PDE10A: variants seen among roughly 807,000 people sequenced by gnomAD.
The protein encoded by PDE10A is phosphodiesterase 10A.
A neutral mutation model predicts 97.7 loss-of-function variants in PDE10A; 39 were observed. That is an observed-to-expected ratio of 0.40 (90% confidence interval 0.31 to 0.52). The LOEUF is 0.52. Among genes scored for constraint, PDE10A ranks in the 20% least tolerant of loss-of-function variants. The pLI is 0.56. For missense variants in PDE10A, 731 were observed against 1,047.8 expected, an observed-to-expected ratio of 0.70 and a Z score of 4.17; for synonymous variants, 371 against 376.8, an observed-to-expected ratio of 0.98 and a Z score of 0.18.
chr6:165,383,147 T>C, intron 17 of PDE10A, among the ~76,000 whole-genome samples: 1 of 152,234 alleles, frequency 6.6e-6, no homozygotes, highest in Middle Eastern at 3.4e-3. Context: ...CAACAGATAA[T>C]TTAAGATTAG....
chr6:165,357,161 T>C (rs1783080230), intron 18 of PDE10A, among the ~76,000 whole-genome samples: 1 of 152,220 alleles, frequency 6.6e-6, no homozygotes, highest in African/African-American at 2.4e-5. Flanking sequence ...CTCTTCTTCA[T>C]TCTGTTGTGG....
rs1035488549 is a variant in PDE10A at position 165,328,951 on chromosome 6, C to T, written c.*4074G>A. On this transcript the variant is annotated 3_prime_UTR_variant, in exon 22 of 22. Transcript: ENST00000539869. The stretch of plus-strand genomic sequence containing the variant: ...CACATGTAAAAATCTCATGGCCATG[C>T]GCTGAAAGCATGGGGAAACTATAAC... 3 of 152,208 alleles carry T rather than the reference C, an allele frequency of 2.0e-5. No homozygotes were observed. The highest frequency in any genetic ancestry group is 2.1e-4 in the South Asian group (1 of 4,816). The allele number at this position is 152,208 out of a possible 1,614,324, so 9.4% of individuals were successfully genotyped here.
intron 1 of PDE10A, among the ~76,000 whole-genome samples, chr6:165,657,475 G>A (rs569482403): frequency 7.9e-5 from 12 of 152,248 alleles, no homozygotes; most frequent in East Asian, 7.7e-4. Flanking sequence ...CAGCTATTTC[G>A]AAACAAACAA....
chr6:165,633,690 C>T (rs748526565), intron 1 of PDE10A, among the ~76,000 whole-genome samples: 26 of 152,076 alleles, frequency 1.7e-4, no homozygotes, highest in South Asian at 1.0e-3. Flanking sequence ...TGCGGTGGCA[C>T]GATCTCAGCT....
intron 1 of PDE10A, among the ~76,000 whole-genome samples, chr6:165,554,824 AC>A (rs1265483451): frequency 6.6e-6 from 1 of 152,232 alleles, no homozygotes; most frequent in Admixed American, 6.5e-5. Flanking sequence ...ACAATGGAGT[AC>A]TATTCAGCCA....
intron 1 of PDE10A, among the ~76,000 whole-genome samples, chr6:165,573,766 TA>T (rs796648972): frequency 1.7e-4 from 26 of 148,620 alleles, no homozygotes; most frequent in East Asian, 1.6e-3. Flanking sequence ...AGAAAAGCAA[TA>T]AAAAAAAAAT....
rs140819054 is a variant in PDE10A at position 165,376,797 on chromosome 6, T to C, written c.2783+2397A>G. On this transcript the variant is annotated intron_variant, in intron 18 of 21. Transcript: ENST00000539869. ...AGCTGGGCATGGTGGTGTGTGCCTG[T>C]AGTCCTAGCTACTCAGGAGGTTGAG... 3.2e-3 allele frequency among the ~76,000 whole-genome samples: 492 copies of C among 152,270 alleles called. 4 individuals are homozygous for C. The highest frequency in any genetic ancestry group is 0.011 in the African/African-American group (455 of 41,548).
intron 1 of PDE10A, among the ~76,000 whole-genome samples, chr6:165,592,857 T>C (rs1186037525): frequency 6.6e-6 from 1 of 152,228 alleles, no homozygotes; most frequent in African/African-American, 2.4e-5. Context: ...GGTGGGACTT[T>C]AAACTAGTTC....
At chr6:165,826,303 T>C (rs1358993410) in intron 1 of PDE10A, among the ~76,000 whole-genome samples, 1 of 67,436 alleles carries the variant, frequency 1.5e-5, no homozygotes, top group African/African-American at 6.9e-5. Flanking sequence ...CATGTCCGTC[T>C]TCATGTCCCT....
chr6:165,732,426 G>A (rs775760436), intron 1 of PDE10A, among the ~76,000 whole-genome samples: 20 of 152,264 alleles, frequency 1.3e-4, no homozygotes, highest in African/African-American at 3.1e-4. Flanking sequence ...AGTGAGCACC[G>A]CGTGGTCACA....
chr6:165,653,602 GCACAGCTTTCCC>G (rs1000329774), intron 1 of PDE10A, among the ~76,000 whole-genome samples: 2 of 152,118 alleles, frequency 1.3e-5, no homozygotes, highest in African/African-American at 4.8e-5. Context: ...CCATCCCGGG[GCACAGCTTTCCC>G]CACCACACGT....
Position 165,737,279 on chromosome 6 carries a change from A to G in PDE10A, c.-614-193711T>C, listed in dbSNP as rs141424387. 7.1e-3 allele frequency among the ~76,000 whole-genome samples: 1,075 copies of G among 152,324 alleles called. 14 individuals are homozygous for G. Among genetic ancestry groups the G allele is most frequent in the African/African-American group, 0.025 (1,024 of 41,566 alleles). ...AAGCAAAGATGAAGGAACACTTCCA[A>G]ACTCATTTTATGAAGCCAACATTAC... On this transcript the variant is annotated intron_variant, in intron 1 of 19. Coordinates refer to the PDE10A transcript ENST00000366882.
intron 1 of PDE10A, among the ~76,000 whole-genome samples, chr6:165,717,571 G>A (rs149510659): frequency 1.4e-5 from 2 of 139,228 alleles, no homozygotes; most frequent in East Asian, 2.1e-4. Context: ...GCTACAGAGA[G>A]AGACTCCGTC....
intron 1 of PDE10A, among the ~76,000 whole-genome samples, chr6:165,825,230 G>A (rs1178623299): frequency 6.6e-6 from 1 of 151,976 alleles, no homozygotes; most frequent in Non-Finnish European, 1.5e-5. Flanking sequence ...TTCCTGATGT[G>A]AGCAGGGCTC....
intron 18 of PDE10A, among the ~76,000 whole-genome samples, chr6:165,369,424 T>C (rs958750572): frequency 1.3e-5 from 2 of 151,262 alleles, no homozygotes; most frequent in Non-Finnish European, 2.9e-5. Context: ...AAGAACTACG[T>C]GAAGAATGCA....
chr6:165,510,368 G>A (rs1271997071), intron 2 of PDE10A, among the ~76,000 whole-genome samples: 1 of 151,990 alleles, frequency 6.6e-6, no homozygotes, highest in African/African-American at 2.4e-5. Flanking sequence ...TGCATCCCTA[G>A]TATAAATTCC....
intron 21 of PDE10A, among the ~76,000 whole-genome samples, chr6:165,334,287 C>G (rs957997390): frequency 2.0e-5 from 3 of 150,752 alleles, no homozygotes; most frequent in Admixed American, 6.6e-5. Context: ...CCCTACAGCG[C>G]CGGGCACGCG....
chr6:165,948,497 T>C (rs957210139), intron 1 of PDE10A: 1 of 152,336 alleles, frequency 6.6e-6, no homozygotes, highest in Middle Eastern at 3.4e-3. Context: ...GGAGACCTCA[T>C]GGAGTGCTCT....
At position 165,417,698 on chromosome 6, in the gene PDE10A, T is replaced by A. The variant is rs1334562865; in HGVS notation, c.1796+937A>T. Among the ~76,000 whole-genome samples, 4 of 152,248 alleles carry A rather than the reference T, an allele frequency of 2.6e-5. No homozygotes were observed. In the East Asian group the frequency reaches 7.7e-4, roughly 29 times the overall value. Reference sequence around the variant, plus strand: ...AACCCAAGTACCAATATAGTGCCTATAAATCAGAGTTAATGGACATGGAAT... The same window carrying A: ...AACCCAAGTACCAATATAGTGCCTAAAAATCAGAGTTAATGGACATGGAAT... On this transcript the variant is annotated intron_variant, in intron 11 of 21. Coordinates refer to ENST00000539869, the MANE Select transcript of PDE10A (RefSeq NM_001385079.1).
Sources: allele counts gnomAD v4.1 joint callset (sites outside exome capture counted in the v4.1 genomes callset), GRCh38; gene constraint gnomAD v4.1.1; transcripts MANE v1.5; gene names NCBI Gene and HGNC (gene_info 2026-07-23, HGNC 2026-07-21).